REC114: variants seen among roughly 807,000 people sequenced by gnomAD.
REC114 encodes the protein meiotic recombination protein REC114.
Under a neutral mutation model 31.3 loss-of-function variants are expected in REC114, and 27 were observed. The ratio of observed to expected loss-of-function variants is 0.86; its 90% confidence interval spans 0.64 to 1.19. REC114 has a LOEUF of 1.19. Among genes scored for constraint, REC114 ranks in the 50% most tolerant of loss-of-function variants. The probability of loss-of-function intolerance (pLI) is 0.00; values close to 1 mark genes in which losing one functional copy is unlikely to be tolerated. For missense variants in REC114, 344 were observed against 326.9 expected, an observed-to-expected ratio of 1.05 and a Z score of -0.40; for synonymous variants, 134 against 127.7, an observed-to-expected ratio of 1.05 and a Z score of -0.33.
chr15:73,475,656 A>G (rs1893201575), intron 2 of REC114, among the ~76,000 whole-genome samples: 1 of 152,248 alleles, frequency 6.6e-6, no homozygotes, highest in Non-Finnish European at 1.5e-5. Context: ...ACAGTAAGCT[A>G]AGGTTAATTT....
chr15:73,500,067 T>C (rs369476975), intron 2 of REC114, among the ~76,000 whole-genome samples: 8 of 152,128 alleles, frequency 5.3e-5, no homozygotes, highest in African/African-American at 1.9e-4. Context: ...ACTGGAGTCC[T>C]CCATGACCTC....
intron 1 of REC114, among the ~76,000 whole-genome samples, chr15:73,457,589 G>A (rs1250456858): frequency 1.3e-5 from 2 of 152,016 alleles, no homozygotes; most frequent in Admixed American, 6.6e-5. Context: ...AGTGGTAAGG[G>A]CTCACTTCCT....
At chr15:73,529,724 T>C (rs1894051570) in intron 2 of REC114, among the ~76,000 whole-genome samples, 1 of 152,222 alleles carries the variant, frequency 6.6e-6, no homozygotes, top group South Asian at 2.1e-4. Context: ...CTGGACCTAG[T>C]AATTGAATGC....
chr15:73,507,769 C>T (rs1319202427), intron 2 of REC114, among the ~76,000 whole-genome samples: 1 of 152,080 alleles, frequency 6.6e-6, no homozygotes, highest in Admixed American at 6.6e-5. Flanking sequence ...ACAAAGAGCT[C>T]ACACAAATTA....
At chr15:73,514,922 C>T (rs1335338883) in intron 2 of REC114, among the ~76,000 whole-genome samples, 1 of 148,386 alleles carries the variant, frequency 6.7e-6, no homozygotes, top group African/African-American at 2.5e-5. Flanking sequence ...CTGCCTTTAA[C>T]ACTCTGATTT....
chr15:73,445,589 T>G (rs1892753358), intron 1 of REC114, among the ~76,000 whole-genome samples: 1 of 152,194 alleles, frequency 6.6e-6, no homozygotes, highest in African/African-American at 2.4e-5. Flanking sequence ...AAATGAGAGA[T>G]ATGTGATTTT....
chr15:73,505,666 G>T (rs1893666454), intron 2 of REC114, among the ~76,000 whole-genome samples: 1 of 152,096 alleles, frequency 6.6e-6, no homozygotes, highest in Non-Finnish European at 1.5e-5. Flanking sequence ...TGAGTAGCTG[G>T]GACTACAGGC....
rs1409525948 is a variant in REC114 at position 73,457,450 on chromosome 15, A to G, written c.159+14106A>G. 3.3e-5 allele frequency among the ~76,000 whole-genome samples: 5 copies of G among 152,004 alleles called. No homozygotes were observed. The East Asian group carries it at 9.7e-4, about 29-fold the overall frequency. On this transcript the variant is annotated intron_variant, in intron 1 of 5. Coordinates refer to ENST00000331090, the MANE Select transcript of REC114 (RefSeq NM_001042367.2). The stretch of plus-strand genomic sequence containing the variant: ...CTCTTCTCTGGTGTTTTGTCTTGCA[A>G]ACTGTAGCTGCACTGACCTCCTAGG...
At chr15:73,519,680 T>C (rs1893908518) in intron 2 of REC114, among the ~76,000 whole-genome samples, 1 of 152,246 alleles carries the variant, frequency 6.6e-6, no homozygotes, top group African/African-American at 2.4e-5. Context: ...CGTACACTCA[T>C]ATTCATCGCA....
intron 3 of REC114, among the ~76,000 whole-genome samples, chr15:73,548,050 G>A (rs1458305518): frequency 6.6e-6 from 1 of 150,884 alleles, no homozygotes; most frequent in Non-Finnish European, 1.5e-5. Context: ...CACCTACAAG[G>A]AACTTAAATT....
intron 2 of REC114, among the ~76,000 whole-genome samples, chr15:73,474,122 T>C (rs1454849735): frequency 1.3e-5 from 2 of 152,220 alleles, no homozygotes; most frequent in Non-Finnish European, 2.9e-5. Context: ...TTTAGGATTT[T>C]GTTGGGAGTC....
intron 2 of REC114, among the ~76,000 whole-genome samples, chr15:73,485,513 G>A (rs1893353240): frequency 6.6e-6 from 1 of 152,196 alleles, no homozygotes; most frequent in Non-Finnish European, 1.5e-5. Context: ...ATTAGATCAT[G>A]GGGGTGGTAT....
chr15:73,450,497 G>C (rs1397334011), intron 1 of REC114, among the ~76,000 whole-genome samples: 2 of 152,150 alleles, frequency 1.3e-5, no homozygotes, highest in Non-Finnish European at 2.9e-5. Context: ...AGTTCTTAGC[G>C]ACCTACAAAG....
At chr15:73,503,397 C>T (rs923156206) in intron 2 of REC114, among the ~76,000 whole-genome samples, 1 of 151,966 alleles carries the variant, frequency 6.6e-6, no homozygotes, top group Non-Finnish European at 1.5e-5. Context: ...TTCAATAAAT[C>T]TGACTTAAAT....
chr15:73,514,916 C>G (rs10152690), intron 2 of REC114, among the ~76,000 whole-genome samples: 327 of 150,664 alleles, frequency 2.2e-3, no homozygotes, highest in African/African-American at 7.4e-3. Flanking sequence ...GCACTACTGC[C>G]TTTAACACTC....
chr15:73,534,511 C>T (rs1894129120), intron 2 of REC114, among the ~76,000 whole-genome samples: 2 of 152,160 alleles, frequency 1.3e-5, no homozygotes. Context: ...AGACCAGTAA[C>T]AGGAGCTGAA....
At chr15:73,523,196 C>G (rs2141320926) in intron 2 of REC114, among the ~76,000 whole-genome samples, 1 of 152,062 alleles carries the variant, frequency 6.6e-6, no homozygotes, top group East Asian at 1.9e-4. Context: ...AAAACTTCAG[C>G]CGAATTAAAT....
intron 1 of REC114, among the ~76,000 whole-genome samples, chr15:73,473,187 G>A (rs1222758360): frequency 6.6e-6 from 1 of 152,052 alleles, no homozygotes; most frequent in Non-Finnish European, 1.5e-5. Flanking sequence ...TCAGGAATTC[G>A]AGACCAGCCT....
intron 2 of REC114, among the ~76,000 whole-genome samples, chr15:73,489,200 CTTTTTTT>C (rs60331328): frequency 1.6e-5 from 2 of 126,250 alleles, no homozygotes; most frequent in African/African-American, 6.2e-5. Flanking sequence ...CCTCCCCCAC[CTTTTTTT>C]TTTTTTTTTT....
Sources: allele counts gnomAD v4.1 joint callset (sites outside exome capture counted in the v4.1 genomes callset), GRCh38; gene constraint gnomAD v4.1.1; transcripts MANE v1.5; gene names NCBI Gene and HGNC (gene_info 2026-07-23, HGNC 2026-07-21).